The following CCDC171 variants were observed in gnomAD, a reference collection of about 807,000 sequenced individuals.
CCDC171 encodes coiled-coil domain-containing protein 171.
CCDC171 carries 177 observed loss-of-function variants against 168.2 expected under a neutral mutation model. That is an observed-to-expected ratio of 1.05 (90% CI 0.93 to 1.19). The LOEUF (loss-of-function observed/expected upper bound fraction) is 1.19, where lower values mean the gene tolerates loss of function less well. Among genes scored for constraint, CCDC171 ranks in the 50% most tolerant of loss-of-function variants. The probability of loss-of-function intolerance (pLI) is 0.00; values close to 1 mark genes in which losing one functional copy is unlikely to be tolerated. For synonymous variants in CCDC171, 687 were observed against 540.8 expected, an observed-to-expected ratio of 1.27 and a Z score of -3.75; for missense variants, 1,991 against 1,539.0, an observed-to-expected ratio of 1.29 and a Z score of -4.91.
At chr9:15,801,223 A>T (rs2058805937) in intron 21 of CCDC171, among the ~76,000 whole-genome samples, 1 of 151,970 alleles carries the variant, frequency 6.6e-6, no homozygotes, top group Non-Finnish European at 1.5e-5. Flanking sequence ...TTTTAACAAT[A>T]TTGATTCTTT....
intron 10 of CCDC171, among the ~76,000 whole-genome samples, chr9:15,692,590 C>T (rs74617554): frequency 1.3e-5 from 2 of 149,998 alleles, no homozygotes; most frequent in South Asian, 2.1e-4. Context: ...TGCAGTGGCG[C>T]GATGTCGGCT....
downstream of CCDC171, among the ~76,000 whole-genome samples, chr9:16,066,509 G>T: frequency 6.9e-6 from 1 of 144,118 alleles, no homozygotes; most frequent in South Asian, 2.2e-4. Context: ...TGTGCACATT[G>T]TGCAGGTTAG....
chr9:15,582,591 A>C (rs1217047211), intron 4 of CCDC171, among the ~76,000 whole-genome samples: 2 of 152,228 alleles, frequency 1.3e-5, no homozygotes, highest in Non-Finnish European at 2.9e-5. Flanking sequence ...ACCATGGAAT[A>C]CTATGCAGCC....
chr9:15,667,457 C>G (rs2048813508), intron 9 of CCDC171, among the ~76,000 whole-genome samples: 1 of 151,990 alleles, frequency 6.6e-6, no homozygotes, highest in Non-Finnish European at 1.5e-5. Context: ...ACCAGCCTGG[C>G]TAACATGGTG....
chr9:15,621,282 T>G (rs1215134416), intron 6 of CCDC171, among the ~76,000 whole-genome samples: 1 of 152,204 alleles, frequency 6.6e-6, no homozygotes, highest in East Asian at 1.9e-4. Context: ...AAAGTATTTT[T>G]AAATTAAAAT....
chr9:16,042,326 A>G (rs1833586404), upstream of CCDC171, among the ~76,000 whole-genome samples: 1 of 152,214 alleles, frequency 6.6e-6, no homozygotes, highest in Non-Finnish European at 1.5e-5. Context: ...GCCCTTATGA[A>G]GAGGATCATG....
rs149527981 is a variant in CCDC171 at position 15,911,923 on chromosome 9, C to G, written c.3601-8347C>G. Among the ~76,000 whole-genome samples, 807 of 152,262 alleles carry G rather than the reference C, an allele frequency of 5.3e-3. 4 individuals are homozygous for G. Among genetic ancestry groups the G allele is most frequent in the Non-Finnish European group, 8.8e-3 (601 of 68,020 alleles). ...TTGGTCTACATACCTGTTTTGGTACCAGTACCATGCCGTTTTGGTTACTGT... is the reference window on the plus strand; with the variant it reads ...TTGGTCTACATACCTGTTTTGGTACGAGTACCATGCCGTTTTGGTTACTGT... On this transcript the variant is annotated intron_variant, in intron 24 of 25. Transcript: ENST00000380701.
rs538174474 is a variant in CCDC171, at chr9:15,646,078, G to A, written c.823-11049G>A. 6.6e-4 allele frequency among the ~76,000 whole-genome samples: 101 copies of A among 152,344 alleles called. 3 individuals carry two copies. The East Asian group carries it at 0.019, about 29-fold the overall frequency. On this transcript the variant is annotated intron_variant, in intron 7 of 25. Coordinates refer to ENST00000380701, the MANE Select transcript of CCDC171 (RefSeq NM_173550.4). ...CAGAAACTCTACAAGCCAGAAGAGA[G>A]TGGGGGCCAATATTCAACATGCTTA...
intron 1 of CCDC171, chr9:15,553,708 T>C (rs932509108): frequency 6.6e-6 from 1 of 152,158 alleles, no homozygotes; most frequent in Non-Finnish European, 1.5e-5. Flanking sequence ...TAAACGGGAA[T>C]GAGTTGTGCT....
chr9:15,867,364 A>G (rs1342075202), intron 23 of CCDC171, among the ~76,000 whole-genome samples: 1 of 152,058 alleles, frequency 6.6e-6, no homozygotes, highest in African/African-American at 2.4e-5. Flanking sequence ...ATAATTTTTA[A>G]TTTATGAAAC....
intron 6 of CCDC171, among the ~76,000 whole-genome samples, chr9:15,610,284 G>A (rs918911090): frequency 6.7e-6 from 1 of 150,258 alleles, no homozygotes; most frequent in African/African-American, 2.4e-5. Flanking sequence ...GAAATGCAGT[G>A]GCTCGATCAT....
chr9:15,884,080 C>A (rs1040472229), intron 24 of CCDC171, among the ~76,000 whole-genome samples: 12 of 152,024 alleles, frequency 7.9e-5, no homozygotes, highest in African/African-American at 2.9e-4. Flanking sequence ...ATTGTCTTTT[C>A]TTGTGAAGGA....
At chr9:15,607,831 A>G (rs924871716) in intron 6 of CCDC171, among the ~76,000 whole-genome samples, 3 of 152,164 alleles carry the variant, frequency 2.0e-5, no homozygotes, top group Admixed American at 1.3e-4. Flanking sequence ...ACTGCTGTAT[A>G]ATATTTTATC....
chr9:15,896,282 T>C (rs1820886646), intron 24 of CCDC171, among the ~76,000 whole-genome samples: 1 of 151,958 alleles, frequency 6.6e-6, no homozygotes, highest in Admixed American at 6.6e-5. Context: ...CAGAAAAAAG[T>C]TTAGAGTCTA....
intron 25 of CCDC171, among the ~76,000 whole-genome samples, chr9:15,932,975 G>A (rs1826703892): frequency 6.6e-6 from 1 of 151,942 alleles, no homozygotes; most frequent in Admixed American, 6.6e-5. Flanking sequence ...TGTTTAATGT[G>A]CTGTTGAGTT....
chr9:15,842,890 A>G (rs2060742690), intron 21 of CCDC171, among the ~76,000 whole-genome samples: 1 of 151,928 alleles, frequency 6.6e-6, no homozygotes, highest in Non-Finnish European at 1.5e-5. Context: ...CTAGTAATAC[A>G]TGCTTATTAT....
rs576996401 is a variant in CCDC171, at chr9:15,727,998, G to C, written c.1822G>C (p.Asp608His). ...ELCAVLQENV[D>H]ALIADLNRAN... is the part of the protein sequence containing the mutation. ...TTGTGCAGTCTTACAGGAGAATGTTGATGCCCTGATTGCAGACCTCAACAG... is the reference window on the plus strand; with the variant it reads ...TTGTGCAGTCTTACAGGAGAATGTTCATGCCCTGATTGCAGACCTCAACAG... Residue 608 changes from aspartate to histidine, a missense_variant, in exon 15 of 26, where the codon GAT becomes CAT. By Grantham distance (81) the Asp-to-His change is moderately conservative. Transcript: ENST00000380701. The C allele has an allele frequency of 6.2e-6, 10 of 1,612,818 alleles. No homozygotes were observed. The highest frequency in any genetic ancestry group is 1.6e-4 in the Middle Eastern group (1 of 6,074).
At chr9:15,588,827 C>A (rs2041779133) in intron 4 of CCDC171, among the ~76,000 whole-genome samples, 1 of 151,770 alleles carries the variant, frequency 6.6e-6, no homozygotes, top group African/African-American at 2.4e-5. Context: ...TCTGCCTCAG[C>A]CTCCTGAGTA....
chr9:15,983,821 T>A (rs954125005), intron 3 of CCDC171, among the ~76,000 whole-genome samples: 9 of 146,642 alleles, frequency 6.1e-5, no homozygotes, highest in African/African-American at 1.5e-4. Context: ...AAAGAGAGTG[T>A]GTGTGTGTGT....
Sources: gnomAD v4.1 joint callset for allele counts (sites outside exome capture counted in the v4.1 genomes callset) on GRCh38, gnomAD v4.1.1 for gene constraint, MANE v1.5 for transcripts, NCBI Gene and HGNC (gene_info 2026-07-23, HGNC 2026-07-21) for gene names.